NCAM2: variants seen among roughly 807,000 people sequenced by gnomAD.
The protein encoded by NCAM2 is N-CAM-2.
In NCAM2, 30 loss-of-function variants were observed where a neutral mutation model predicts 98.1. The observed-to-expected ratio is 0.31, with a 90% CI of 0.23 to 0.41. The LOEUF (loss-of-function observed/expected upper bound fraction) is 0.41, where lower values mean the gene tolerates loss of function less well. NCAM2 is among the 10% of genes least tolerant of loss of function. The probability of loss-of-function intolerance (pLI) is 1.00; values close to 1 mark genes in which losing one functional copy is unlikely to be tolerated. For missense variants in NCAM2, 867 were observed against 1,005.8 expected (o/e 0.86, Z 1.87); for synonymous variants, 368 against 342.4 (o/e 1.07, Z -0.83).
intron 1 of NCAM2, among the ~76,000 whole-genome samples, chr21:21,239,780 TAATATATAA>T (rs1276905483): frequency 6.6e-6 from 1 of 152,156 alleles, no homozygotes; most frequent in African/African-American, 2.4e-5. Context: ...TAAAATTCCC[TAATATATAA>T]AATATATACA....
intron 1 of NCAM2, among the ~76,000 whole-genome samples, chr21:21,248,172 T>A (rs1306346749): frequency 2.6e-5 from 4 of 152,162 alleles, no homozygotes; most frequent in Non-Finnish European, 4.4e-5. Context: ...ATTTTATAGA[T>A]GTAAATCTTC....
chr21:21,158,168 CTATGGAATA>C (rs1244537894), intron 1 of NCAM2, among the ~76,000 whole-genome samples: 1 of 152,162 alleles, frequency 6.6e-6, no homozygotes, highest in Admixed American at 6.5e-5. Context: ...AAAAGACAGA[CTATGGAATA>C]TAGTGTGTAC....
chr21:21,315,177 G>A (rs140929830), intron 5 of NCAM2, among the ~76,000 whole-genome samples: 79 of 152,228 alleles, frequency 5.2e-4, no homozygotes, highest in African/African-American at 1.8e-3. Context: ...TTCAGTGACT[G>A]TCAGATCTGT....
chr21:21,469,394 C>T (rs954730417), intron 14 of NCAM2, among the ~76,000 whole-genome samples: 5 of 151,858 alleles, frequency 3.3e-5, no homozygotes, highest in Non-Finnish European at 7.4e-5. Context: ...TGCGTTTTGC[C>T]TTCAGAAAAG....
chr21:21,228,350 A>G (rs1028982422), intron 1 of NCAM2, among the ~76,000 whole-genome samples: 1 of 151,520 alleles, frequency 6.6e-6, no homozygotes, highest in African/African-American at 2.4e-5. Context: ...TACATTAGCA[A>G]TTTTCTGCCT....
intron 1 of NCAM2, among the ~76,000 whole-genome samples, chr21:21,146,171 A>G (rs1034651568): frequency 2.0e-5 from 3 of 152,202 alleles, no homozygotes; most frequent in Admixed American, 6.5e-5. Flanking sequence ...TAAAATACTT[A>G]TAATATTGGT....
chr21:21,127,540 G>A (rs1037643497), intron 1 of NCAM2, among the ~76,000 whole-genome samples: 4 of 151,684 alleles, frequency 2.6e-5, no homozygotes, highest in African/African-American at 4.8e-5. Context: ...TTGTGCTATC[G>A]AACACTAGAA....
intron 12 of NCAM2, among the ~76,000 whole-genome samples, chr21:21,454,632 G>C (rs760453546): frequency 4.0e-5 from 6 of 151,752 alleles, no homozygotes; most frequent in African/African-American, 1.5e-4. Context: ...TGTATTTGTT[G>C]GTTTCAGTAT....
chr21:21,096,045 A>G (rs936949430), intron 1 of NCAM2, among the ~76,000 whole-genome samples: 11 of 151,658 alleles, frequency 7.3e-5, no homozygotes, highest in Non-Finnish European at 1.2e-4. Context: ...CAATTACCCT[A>G]TGGGACTATC....
intron 1 of NCAM2, among the ~76,000 whole-genome samples, chr21:21,107,496 G>A (rs1038936814): frequency 1.3e-5 from 2 of 151,836 alleles, no homozygotes; most frequent in African/African-American, 2.4e-5. Flanking sequence ...TTCCACCCCC[G>A]TTTCCCAGCC....
At chr21:21,237,949 C>CTTTTTTTTTTTTTTTTTTTTTTTTTTTTT in intron 1 of NCAM2, among the ~76,000 whole-genome samples, 1 of 114,488 alleles carries the variant, frequency 8.7e-6, no homozygotes, top group African/African-American at 3.5e-5. Flanking sequence ...CATTGTAATT[C>CTTTTTTTTTTTTTTTTTTTTTTTTTTTTT]TTTTTTTTTT....
intron 1 of NCAM2, among the ~76,000 whole-genome samples, chr21:21,203,194 T>G (rs2069300098): frequency 6.6e-6 from 1 of 152,230 alleles, no homozygotes; most frequent in African/African-American, 2.4e-5. Context: ...AATTAAAATA[T>G]GAAGGACTCC....
intron 5 of NCAM2, among the ~76,000 whole-genome samples, chr21:21,293,185 G>T (rs1222852240): frequency 6.6e-6 from 1 of 151,688 alleles, no homozygotes. Flanking sequence ...CTCCATTTTG[G>T]CAGTCTAATC....
chr21:21,006,212 G>T (rs1423189571), intron 1 of NCAM2, among the ~76,000 whole-genome samples: 1 of 152,136 alleles, frequency 6.6e-6, no homozygotes, highest in Non-Finnish European at 1.5e-5. Context: ...TGCAGAAATT[G>T]TGTTGATCCA....
At chr21:21,079,687 A>C (rs9975911) in intron 1 of NCAM2, among the ~76,000 whole-genome samples, 5,859 of 151,974 alleles carry the variant, frequency 0.039, 355 homozygotes, top group African/African-American at 0.13. Context: ...CCCTACCCAG[A>C]TACTCTCTCC....
At chr21:21,045,733 A>G (rs752676791) in intron 1 of NCAM2, among the ~76,000 whole-genome samples, 2 of 152,226 alleles carry the variant, frequency 1.3e-5, no homozygotes, top group Non-Finnish European at 2.9e-5. Context: ...TGAATATTAA[A>G]GTAGGTCTAT....
intron 1 of NCAM2, among the ~76,000 whole-genome samples, chr21:21,231,732 G>A (rs1181486660): frequency 6.6e-6 from 1 of 151,268 alleles, no homozygotes; most frequent in Admixed American, 6.6e-5. Flanking sequence ...ATATTATGTA[G>A]GTCATACTGT....
intron 1 of NCAM2, among the ~76,000 whole-genome samples, chr21:21,166,236 C>T (rs1329400340): frequency 6.6e-6 from 1 of 152,186 alleles, no homozygotes; most frequent in African/African-American, 2.4e-5. Context: ...GAGACGGAGT[C>T]TCGCTCTGTC....
Position 21,482,149 on chromosome 21 carries a change from A to T in NCAM2, c.2077+4678A>T, listed in dbSNP as rs375201599. On this transcript the variant is annotated intron_variant, in intron 15 of 17. Coordinates refer to ENST00000400546, the MANE Select transcript of NCAM2 (RefSeq NM_004540.5). Reference sequence around the variant, plus strand: ...TCTAATTTACTGTTACTGAATCCGGATTGCTAAGGCCTCATAGAAAGTCAT... The same window carrying T: ...TCTAATTTACTGTTACTGAATCCGGTTTGCTAAGGCCTCATAGAAAGTCAT... Among the ~76,000 whole-genome samples the T allele has an allele frequency of 6.6e-5, 10 of 152,142 alleles. No homozygotes were observed. In the East Asian group the frequency reaches 1.7e-3, roughly 26 times the overall value.
Sources: allele counts gnomAD v4.1 joint callset (sites outside exome capture counted in the v4.1 genomes callset), GRCh38; gene constraint gnomAD v4.1.1; transcripts MANE v1.5; gene names NCBI Gene and HGNC (gene_info 2026-07-23, HGNC 2026-07-21).